CDKAL1: variants seen among roughly 807,000 people sequenced by gnomAD.
The protein encoded by CDKAL1 is threonylcarbamoyladenosine tRNA methylthiotransferase.
A neutral mutation model predicts 68.2 loss-of-function variants in CDKAL1; 32 were observed. That is an observed-to-expected ratio of 0.47 (90% CI 0.35 to 0.63). The LOEUF is 0.63. Ranked by LOEUF, CDKAL1 falls within the 30% of genes least tolerant of loss-of-function variation. The pLI is 0.00. For missense variants in CDKAL1, 606 were observed against 696.7 expected, an observed-to-expected ratio of 0.87 and a Z score of 1.47; for synonymous variants, 234 against 244.3, an observed-to-expected ratio of 0.96 and a Z score of 0.39.
chr6:20,708,138 T>C (rs557407469), intron 5 of CDKAL1, among the ~76,000 whole-genome samples: 1 of 152,338 alleles, frequency 6.6e-6, no homozygotes, highest in East Asian at 1.9e-4. Context: ...TTACTTGAAG[T>C]TGTTAAACAA....
intron 13 of CDKAL1, among the ~76,000 whole-genome samples, chr6:21,132,959 C>T (rs1775405993): frequency 6.6e-6 from 1 of 152,042 alleles, no homozygotes; most frequent in African/African-American, 2.4e-5. Context: ...GACAAAGCAC[C>T]TTGTGTTTCT....
intron 15 of CDKAL1, among the ~76,000 whole-genome samples, chr6:21,225,176 C>T (rs927422075): frequency 4.6e-5 from 7 of 152,128 alleles, no homozygotes; most frequent in Admixed American, 3.3e-4. Flanking sequence ...GCTGACAAGA[C>T]GAGCAGGCCC....
chr6:20,551,128 G>A (rs1369967508), intron 4 of CDKAL1, among the ~76,000 whole-genome samples: 1 of 152,070 alleles, frequency 6.6e-6, no homozygotes, highest in Non-Finnish European at 1.5e-5. Flanking sequence ...GCCTCCCAAA[G>A]TGCTGGGATT....
chr6:20,806,742 A>G (rs1255091100), intron 8 of CDKAL1, among the ~76,000 whole-genome samples: 1 of 152,158 alleles, frequency 6.6e-6, no homozygotes, highest in Non-Finnish European at 1.5e-5. Context: ...GTTGTTTATT[A>G]GAGGAGGCAA....
At chr6:21,224,022 T>G (rs1468820623) in intron 15 of CDKAL1, among the ~76,000 whole-genome samples, 1 of 152,118 alleles carries the variant, frequency 6.6e-6, no homozygotes, top group Non-Finnish European at 1.5e-5. Flanking sequence ...TCAGAGTGTG[T>G]TCTCTTGGGC....
chr6:21,219,480 C>CA (rs974428006), intron 15 of CDKAL1, among the ~76,000 whole-genome samples: 19 of 152,236 alleles, frequency 1.2e-4, no homozygotes, highest in Admixed American at 1.2e-3. Context: ...TATGGAGGAC[C>CA]AATTGTATAA....
At chr6:20,770,451 T>C (rs1581545314) in intron 7 of CDKAL1, among the ~76,000 whole-genome samples, 1 of 152,222 alleles carries the variant, frequency 6.6e-6, no homozygotes, top group Non-Finnish European at 1.5e-5. Context: ...GGATATGTCT[T>C]AAATCTTGTA....
intron 13 of CDKAL1, among the ~76,000 whole-genome samples, chr6:21,157,816 A>G (rs945619165): frequency 6.6e-6 from 1 of 152,198 alleles, no homozygotes; most frequent in Non-Finnish European, 1.5e-5. Flanking sequence ...CTGTGATTTC[A>G]CTTCTCACTC....
chr6:20,962,360 ACAAAT>A (rs1033700270), intron 10 of CDKAL1, among the ~76,000 whole-genome samples: 1 of 152,204 alleles, frequency 6.6e-6, no homozygotes, highest in Admixed American at 6.5e-5. Context: ...AATCACCGTA[ACAAAT>A]CAGCTTCCTG....
intron 9 of CDKAL1, among the ~76,000 whole-genome samples, chr6:20,912,673 C>G (rs1218785531): frequency 1.3e-5 from 2 of 152,074 alleles, no homozygotes; most frequent in Non-Finnish European, 2.9e-5. Context: ...CAGTGTTAAT[C>G]TTTTAACAGA....
chr6:20,606,064 C>T (rs1766320975), intron 4 of CDKAL1, among the ~76,000 whole-genome samples: 1 of 152,072 alleles, frequency 6.6e-6, no homozygotes, highest in South Asian at 2.1e-4. Context: ...ATTGTAGGGC[C>T]CACTTCATTT....
At chr6:20,580,335 G>A (rs6928586) in intron 4 of CDKAL1, among the ~76,000 whole-genome samples, 117,496 of 152,066 alleles carry the variant, frequency 0.77, 45,505 homozygotes, top group Middle Eastern at 0.9. Flanking sequence ...AAAATAATGT[G>A]TGTAGGCGTT....
chr6:21,061,562 A>G (rs1223289410), intron 11 of CDKAL1, among the ~76,000 whole-genome samples: 1 of 152,092 alleles, frequency 6.6e-6, no homozygotes, highest in East Asian at 1.9e-4. Context: ...AAATATTTGG[A>G]TTAATATTCT....
chr6:20,647,882 G>GT (rs955919106), intron 4 of CDKAL1, among the ~76,000 whole-genome samples: 4 of 151,734 alleles, frequency 2.6e-5, no homozygotes, highest in African/African-American at 9.7e-5. Flanking sequence ...GATAAATAGT[G>GT]TAAGTAGTTT....
chr6:21,065,838 A>G (rs1771407280), intron 12 of CDKAL1, among the ~76,000 whole-genome samples: 1 of 152,004 alleles, frequency 6.6e-6, no homozygotes, highest in Admixed American at 6.5e-5. Flanking sequence ...TAAGGGTCTC[A>G]AAACAAATAT....
At chr6:20,667,211 T>A (rs77126550) in intron 5 of CDKAL1, among the ~76,000 whole-genome samples, 3 of 152,346 alleles carry the variant, frequency 2.0e-5, no homozygotes, top group African/African-American at 7.2e-5. Context: ...GAGTCAGTGT[T>A]CATTAATTTG....
At chr6:20,725,343 A>G (rs1772593085) in intron 5 of CDKAL1, among the ~76,000 whole-genome samples, 1 of 152,240 alleles carries the variant, frequency 6.6e-6, no homozygotes, top group Non-Finnish European at 1.5e-5. Flanking sequence ...TTAAGAATGG[A>G]GCACTTTACC....
Position 20,862,954 on chromosome 6 carries a change from A to G in CDKAL1, c.742+16776A>G, listed in dbSNP as rs574408404. 5.9e-5 allele frequency among the ~76,000 whole-genome samples: 9 copies of G among 152,288 alleles called. No homozygotes were observed. In the East Asian group the frequency reaches 1.7e-3, roughly 29 times the overall value. On this transcript the variant is annotated intron_variant, in intron 9 of 15. Transcript: ENST00000274695. ...AGGCAGGAGAATCACTTGAACCCGG[A>G]GGCAGAGGTTGCAGTGAGCTGAGAT... is the stretch of plus-strand genomic sequence containing the variant.
At chr6:20,921,772 G>T (rs1048395568) in intron 9 of CDKAL1, among the ~76,000 whole-genome samples, 5 of 152,152 alleles carry the variant, frequency 3.3e-5, no homozygotes, top group Admixed American at 2.0e-4. Flanking sequence ...TTTACTTTCT[G>T]TAGTTCTTAT....
Sources: allele counts gnomAD v4.1 joint callset (sites outside exome capture counted in the v4.1 genomes callset), GRCh38; gene constraint gnomAD v4.1.1; transcripts MANE v1.5; gene names NCBI Gene and HGNC (gene_info 2026-07-23, HGNC 2026-07-21).